Variants in LNPK observed in about 807,000 individuals in gnomAD.
LNPK encodes lunapark, ER junction formation factor.
A neutral mutation model predicts 55.2 loss-of-function variants in LNPK; 29 were observed. That is an observed-to-expected ratio of 0.53 (90% CI 0.39 to 0.72). LNPK has a LOEUF of 0.72. LNPK is among the 30% of genes least tolerant of loss of function. The pLI, the probability that LNPK is intolerant of heterozygous loss-of-function variation, is 0.00. For synonymous variants in LNPK, 162 were observed against 168.2 expected (o/e 0.96, Z 0.29); for missense variants, 467 against 494.8 (o/e 0.94, Z 0.53).
At chr2:175,964,120 T>G (rs1284528550) in intron 8 of LNPK, among the ~76,000 whole-genome samples, 3 of 152,142 alleles carry the variant, frequency 2.0e-5, no homozygotes, top group African/African-American at 7.2e-5. Flanking sequence ...TTATTTAAAT[T>G]TTAAAAGATT....
intron 12 of LNPK, among the ~76,000 whole-genome samples, chr2:175,935,183 C>A (rs1684480481): frequency 6.6e-6 from 1 of 152,152 alleles, no homozygotes; most frequent in Admixed American, 6.5e-5. Context: ...TTGGTTCCAT[C>A]TGTAACTTCA....
Position 175,970,805 on chromosome 2 carries a change from C to A in LNPK, c.317-1G>T, listed in dbSNP as rs779493160. 2 of 1,408,678 alleles carry A rather than the reference C, an allele frequency of 1.4e-6. No individual in the cohort carries two copies. Among genetic ancestry groups the A allele is most frequent in the South Asian group, 2.9e-5 (2 of 68,132 alleles). The allele number at this position is 1,408,678 out of a possible 1,614,324, so 87.3% of individuals were successfully genotyped here. On this transcript the variant is annotated splice_acceptor_variant, in intron 5 of 12. Transcript: ENST00000272748. LOFTEE classifies it high-confidence loss of function. ...GATTTTAAATCATCCAATGCTTCAT[C>A]TAGAAAGCAAGATTTAAATCAAAGA...
intron 12 of LNPK, 92 bp from the exon 13 acceptor site, chr2:175,930,291 C>T (rs1461118792): frequency 1.7e-5 from 5 of 297,782 alleles, no homozygotes; most frequent in South Asian, 3.7e-5. Context: ...CACACACACA[C>T]ACACACACAC....
rs185662460 is a variant in LNPK, at chr2:175,924,274, A to G, written c.*5693T>C. 6.6e-5 allele frequency: 10 copies of G among 152,360 alleles called. No individual in the cohort carries two copies. Among genetic ancestry groups the G allele is most frequent in the African/African-American group, 2.4e-4 (10 of 41,582 alleles). 9.4% of individuals were successfully genotyped at this position (152,360 alleles called of 1,614,324 possible). On this transcript the variant is annotated 3_prime_UTR_variant, in exon 13 of 13. Transcript: ENST00000272748. ...AGCTAGTCTCCATGACCATTTCAAAATAGCTATTCATAATTCACAAAATGC... is the reference window on the plus strand; with the variant it reads ...AGCTAGTCTCCATGACCATTTCAAAGTAGCTATTCATAATTCACAAAATGC...
chr2:175,929,189 C>A lies in LNPK; in HGVS notation c.*778G>T. 1 of 956,214 alleles carries A rather than the reference C, an allele frequency of 1.0e-6. No homozygotes were observed. Among genetic ancestry groups the A allele is most frequent in the Non-Finnish European group, 1.2e-6 (1 of 803,088 alleles). 59.2% of individuals were successfully genotyped at this position (956,214 alleles called of 1,614,324 possible). ...AGCACAAAATTCACTTATATATCAT[C>A]ATTTTATACTTATAAATAATGCTCA... On this transcript the variant is annotated 3_prime_UTR_variant, in exon 13 of 13. Transcript: ENST00000272748.
intron 5 of LNPK, among the ~76,000 whole-genome samples, chr2:175,973,727 G>A (rs1574872339): frequency 6.6e-6 from 1 of 152,126 alleles, no homozygotes; most frequent in South Asian, 2.1e-4. Flanking sequence ...AACTACAATT[G>A]AGCAGTATTG....
At chr2:175,962,905 G>A (rs1284486426) in intron 8 of LNPK, among the ~76,000 whole-genome samples, 1 of 150,238 alleles carries the variant, frequency 6.7e-6, no homozygotes, top group African/African-American at 2.5e-5. Flanking sequence ...GACATGAACA[G>A]ACACTTCTCA....
At chr2:175,970,468 C>A (rs958343264) in intron 6 of LNPK, among the ~76,000 whole-genome samples, 1 of 152,090 alleles carries the variant, frequency 6.6e-6, no homozygotes, top group Admixed American at 6.6e-5. Flanking sequence ...AATAAACAAT[C>A]TGGTACCCAC....
chr2:175,938,312 C>A lies in LNPK; in HGVS notation c.883+1G>T. Reference sequence around the variant, plus strand: ...AAATCTCATTGCCCAATAATTCTTACCAATGTATTCAAATTCTTCCTTCAA... The same window carrying A: ...AAATCTCATTGCCCAATAATTCTTAACAATGTATTCAAATTCTTCCTTCAA... On this transcript the variant is annotated splice_donor_variant, in intron 11 of 12. Coordinates refer to ENST00000272748, the MANE Select transcript of LNPK (RefSeq NM_030650.3). LOFTEE classifies it high-confidence loss of function. 1 of 1,556,050 alleles carries A rather than the reference C, an allele frequency of 6.4e-7. No individual in the cohort carries two copies. Among genetic ancestry groups the A allele is most frequent in the Non-Finnish European group, 8.8e-7 (1 of 1,130,430 alleles).
chr2:175,934,091 GGAGT>G (rs1393112206), intron 12 of LNPK, among the ~76,000 whole-genome samples: 1 of 152,130 alleles, frequency 6.6e-6, no homozygotes, highest in African/African-American at 2.4e-5. Context: ...TTTAGAAAAG[GGAGT>G]GAGACGGCCA....
intron 5 of LNPK, among the ~76,000 whole-genome samples, chr2:175,977,846 T>C (rs571787299): frequency 1.5e-4 from 23 of 152,326 alleles, no homozygotes; most frequent in Admixed American, 4.6e-4. Flanking sequence ...GAGAGGTTTT[T>C]TCCCCACATA....
chr2:175,964,761 TGTTACTTGTACTTAACA>T (rs1246760608), intron 6 of LNPK, among the ~76,000 whole-genome samples, 172 bp from the exon 7 acceptor site: 2 of 152,190 alleles, frequency 1.3e-5, no homozygotes, highest in Non-Finnish European at 2.9e-5. Flanking sequence ...ACCTCTAATA[TGTTACTTGTACTTAACA>T]GTTTTACTGC....
chr2:175,954,553 T>G (rs1250901860), intron 8 of LNPK, among the ~76,000 whole-genome samples: 2 of 152,196 alleles, frequency 1.3e-5, no homozygotes, highest in African/African-American at 4.8e-5. Flanking sequence ...AGCCTTTAGT[T>G]GAGTTTGTTC....
chr2:175,979,780 A>T (rs77165351), intron 5 of LNPK, 30 bp downstream of exon 5: 256,442 of 1,458,000 alleles, frequency 0.18, 25,527 homozygotes, highest in Non-Finnish European at 0.21. Flanking sequence ...ATTTTAAAAA[A>T]TATTTATTAA....
At chr2:175,932,929 CTAAT>C (rs1684348067) in intron 12 of LNPK, among the ~76,000 whole-genome samples, 1 of 150,568 alleles carries the variant, frequency 6.6e-6, no homozygotes, top group Non-Finnish European at 1.5e-5. Flanking sequence ...TGTGTTCACA[CTAAT>C]TAAACAACCC....
chr2:175,944,372 A>C (rs918813261), intron 9 of LNPK, among the ~76,000 whole-genome samples: 1 of 152,050 alleles, frequency 6.6e-6, no homozygotes, highest in Non-Finnish European at 1.5e-5. Context: ...AACACATAAA[A>C]TTTAGTTAAT....
chr2:175,940,990 G>C, intron 9 of LNPK: 3 of 454,804 alleles, frequency 6.6e-6, no homozygotes, highest in Non-Finnish European at 1.3e-5. Flanking sequence ...GCTCATGCCT[G>C]TAATCCCAGC....
At chr2:175,994,306 A>T (rs1424960338) in intron 2 of LNPK, 1 of 983,710 alleles carries the variant, frequency 1.0e-6, no homozygotes, top group African/African-American at 1.7e-5. Flanking sequence ...AAACAAGAAG[A>T]GATAAATTTG....
At chr2:175,988,148 C>A (rs965939190) in intron 4 of LNPK, among the ~76,000 whole-genome samples, 3 of 151,980 alleles carry the variant, frequency 2.0e-5, no homozygotes, top group Non-Finnish European at 4.4e-5. Flanking sequence ...TTCAAACAAC[C>A]ATATCATAAG....
Sources: allele counts gnomAD v4.1 joint callset (sites outside exome capture counted in the v4.1 genomes callset), GRCh38; gene constraint gnomAD v4.1.1; transcripts MANE v1.5; gene names NCBI Gene and HGNC (gene_info 2026-07-23, HGNC 2026-07-21).